The following TACC2 variants were observed in gnomAD, a reference collection of about 807,000 sequenced individuals.
The protein encoded by TACC2 is transforming acidic coiled-coil containing protein 2.
In TACC2, 137 loss-of-function variants were observed where a neutral mutation model predicts 227.3. The ratio of observed to expected loss-of-function variants is 0.60; its 90% CI spans 0.52 to 0.69. TACC2 has a LOEUF of 0.69. Ranked by LOEUF, TACC2 falls within the 30% of genes least tolerant of loss-of-function variation. The probability of loss-of-function intolerance (pLI) is 0.00; values close to 1 mark genes in which losing one functional copy is unlikely to be tolerated. For synonymous variants in TACC2, 1,523 were observed against 1,487.5 expected (o/e 1.02, Z -0.55); for missense variants, 3,470 against 3,694.4 (o/e 0.94, Z 1.57).
chr10:122,145,883 G>T (rs1470214593), intron 7 of TACC2, among the ~76,000 whole-genome samples: 2 of 152,140 alleles, frequency 1.3e-5, no homozygotes, highest in Non-Finnish European at 2.9e-5. Flanking sequence ...CTCACCTTTA[G>T]CCCTGGAGCC....
chr10:122,171,326 A>G (rs2093461919), intron 7 of TACC2, among the ~76,000 whole-genome samples: 1 of 141,312 alleles, frequency 7.1e-6, no homozygotes, highest in Admixed American at 7.1e-5. Context: ...CTCTGGGCAG[A>G]GCAGTGGGGG....
chr10:122,187,066 G>A (rs1299952951), intron 7 of TACC2, among the ~76,000 whole-genome samples: 3 of 152,176 alleles, frequency 2.0e-5, no homozygotes, highest in African/African-American at 7.2e-5. Context: ...CCTGCAGTGG[G>A]CCCTCAGCCA....
intron 22 of TACC2, among the ~76,000 whole-genome samples, chr10:122,253,645 G>T (rs987725617): frequency 6.6e-6 from 1 of 152,180 alleles, no homozygotes; most frequent in African/African-American, 2.4e-5. Context: ...CATCCTTCCC[G>T]GGCAAATAAA....
At chr10:122,171,597 G>T (rs1487626745) in intron 7 of TACC2, among the ~76,000 whole-genome samples, 1 of 152,240 alleles carries the variant, frequency 6.6e-6, no homozygotes, top group Non-Finnish European at 1.5e-5. Context: ...CACTTCATTT[G>T]TGAAATATGA....
chr10:122,251,139 G>C (rs1290611240), intron 22 of TACC2, among the ~76,000 whole-genome samples: 1 of 151,720 alleles, frequency 6.6e-6, no homozygotes, highest in Non-Finnish European at 1.5e-5. Context: ...TGCCCAGGCT[G>C]GTCTTAAACT....
chr10:122,207,250 G>T (rs1278951848), intron 8 of TACC2, among the ~76,000 whole-genome samples: 1 of 150,726 alleles, frequency 6.6e-6, no homozygotes, highest in Non-Finnish European at 1.5e-5. Flanking sequence ...AGTGAGCTGA[G>T]ATCGCACCAC....
chr10:122,032,206 C>T (rs1959069244), intron 2 of TACC2, among the ~76,000 whole-genome samples: 1 of 152,278 alleles, frequency 6.6e-6, no homozygotes, highest in Non-Finnish European at 1.5e-5. Context: ...TCTCAAAGGA[C>T]GTAAAGGCAG....
chr10:122,033,141 T>C lies in TACC2; in HGVS notation c.33+11127T>C, dbSNP rs1291011051. The stretch of plus-strand genomic sequence containing the variant: ...ACGTCATTCTGTGGCCTCCAAACCC[T>C]GAGCCCACACAGGTACTGGGGAATG... On this transcript the variant is annotated intron_variant, in intron 2 of 22. Coordinates refer to ENST00000369005, the MANE Select transcript of TACC2 (RefSeq NM_206862.4). 2.3e-6 allele frequency: 3 copies of C among 1,289,092 alleles called. No homozygotes were observed. In the African/African-American group the frequency reaches 4.6e-5, roughly 20 times the overall value. 79.9% of individuals were successfully genotyped at this position (1,289,092 alleles called of 1,614,324 possible).
At chr10:122,140,668 TGTTCAGGGCCC>T (rs1381165622) in intron 6 of TACC2, among the ~76,000 whole-genome samples, 3 of 152,216 alleles carry the variant, frequency 2.0e-5, no homozygotes, top group African/African-American at 7.2e-5. Context: ...CCTGGGCATT[TGTTCAGGGCCC>T]GACTTCCTGA....
intron 22 of TACC2, among the ~76,000 whole-genome samples, chr10:122,251,731 C>T (rs191974738): frequency 7.2e-5 from 11 of 152,254 alleles, no homozygotes; most frequent in Non-Finnish European, 1.5e-4. Flanking sequence ...GAAATAAAAA[C>T]CATACTTCAC....
chr10:122,188,548 C>T (rs375231120), intron 7 of TACC2, among the ~76,000 whole-genome samples: 13 of 152,282 alleles, frequency 8.5e-5, no homozygotes, highest in African/African-American at 3.1e-4. Flanking sequence ...CTTGGCCTCC[C>T]AAAGTGCTGG....
At chr10:122,017,698 T>C (rs553192307) in intron 1 of TACC2, among the ~76,000 whole-genome samples, 151 of 151,606 alleles carry the variant, frequency 1.0e-3, no homozygotes, top group African/African-American at 3.6e-3. Flanking sequence ...GTGCCTGTAG[T>C]CCCAGCTACT....
chr10:122,114,559 G>A (rs1330562654), intron 5 of TACC2, among the ~76,000 whole-genome samples: 1 of 152,184 alleles, frequency 6.6e-6, no homozygotes, highest in Non-Finnish European at 1.5e-5. Context: ...GGATTCCCAC[G>A]GGGCTCTTTC....
At position 122,211,019 on chromosome 10, in the gene TACC2, G is replaced by A. The variant is rs767266341; in HGVS notation, c.6594G>A (p.Gly2198=). The A allele has an allele frequency of 2.5e-6, 4 of 1,611,420 alleles. No individual in the cohort carries two copies. Among genetic ancestry groups the A allele is most frequent in the Non-Finnish European group, 3.4e-6 (4 of 1,179,118 alleles). Residue 2198 remains glycine, a synonymous_variant, in exon 9 of 23, where the codon GGG becomes GGA. Coordinates refer to ENST00000369005, the MANE Select transcript of TACC2 (RefSeq NM_206862.4). ...LEETPLEPAV[G]PKAACPLDSE... The stretch of plus-strand genomic sequence containing the variant: ...AGACGCCCCTTGAGCCCGCTGTGGG[G>A]CCCAAAGCTGCCTGCCCTCTGGACT...
intron 3 of TACC2, among the ~76,000 whole-genome samples, chr10:122,065,633 A>G (rs951986968): frequency 6.6e-6 from 1 of 152,206 alleles, no homozygotes; most frequent in Admixed American, 6.5e-5. Context: ...CAAGTTGGTC[A>G]TAGTGTTGTT....
At chr10:122,222,816 G>A (rs1197157102) in intron 11 of TACC2, among the ~76,000 whole-genome samples, 1 of 152,210 alleles carries the variant, frequency 6.6e-6, no homozygotes, top group Non-Finnish European at 1.5e-5. Flanking sequence ...GTACTGGAGT[G>A]TGCTTAGAGA....
At chr10:122,074,626 G>C (rs370810366) in intron 3 of TACC2, among the ~76,000 whole-genome samples, 110 of 152,114 alleles carry the variant, frequency 7.2e-4, no homozygotes, top group African/African-American at 2.3e-3. Context: ...GTTGGGAGTG[G>C]GTCAAATACA....
intron 8 of TACC2, among the ~76,000 whole-genome samples, chr10:122,197,223 T>C (rs1013040922): frequency 8.5e-5 from 13 of 152,350 alleles, no homozygotes; most frequent in Admixed American, 2.6e-4. Flanking sequence ...ACCATGCCAC[T>C]GCACTCCAGC....
At chr10:122,243,831 A>G (rs1179234381) in intron 19 of TACC2, among the ~76,000 whole-genome samples, 1 of 152,132 alleles carries the variant, frequency 6.6e-6, no homozygotes, top group East Asian at 1.9e-4. Context: ...CTTGGTGATG[A>G]CATTTTGGTA....
Sources: gnomAD v4.1 joint callset for allele counts (sites outside exome capture counted in the v4.1 genomes callset) on GRCh38, gnomAD v4.1.1 for gene constraint, MANE v1.5 for transcripts, NCBI Gene and HGNC (gene_info 2026-07-23, HGNC 2026-07-21) for gene names.